CHP1: variants seen among roughly 807,000 people sequenced by gnomAD.
CHP1 encodes calcineurin B homologous protein 1.
Under a neutral mutation model 27.4 loss-of-function variants are expected in CHP1, and 11 were observed. That is an observed-to-expected ratio of 0.40 (90% CI 0.25 to 0.67). The LOEUF (loss-of-function observed/expected upper bound fraction) is 0.67. Among genes scored for constraint, CHP1 ranks in the 30% least tolerant of loss-of-function variants. CHP1 has a pLI of 0.38. For missense variants in CHP1, 169 were observed against 251.3 expected (o/e 0.67, Z 2.22); for synonymous variants, 89 against 87.4 (o/e 1.02, Z -0.10).
chr15:41,253,932 G>C (rs749200175), intron 2 of CHP1, among the ~76,000 whole-genome samples: 2 of 150,522 alleles, frequency 1.3e-5, no homozygotes, highest in East Asian at 1.9e-4. Context: ...CTACAGGCAC[G>C]TGCCACCATG....
intron 5 of CHP1, among the ~76,000 whole-genome samples, chr15:41,271,382 C>T (rs923104951): frequency 9.2e-5 from 14 of 151,890 alleles, no homozygotes; most frequent in Admixed American, 2.6e-4. Flanking sequence ...GAGCCAAGAT[C>T]GTGCCACTGC....
intron 2 of CHP1, among the ~76,000 whole-genome samples, chr15:41,245,070 G>A (rs1475456316): frequency 2.6e-5 from 4 of 152,104 alleles, no homozygotes; most frequent in Non-Finnish European, 5.9e-5. Flanking sequence ...TTAAGCATAC[G>A]TATTTCCCCC....
At chr15:41,246,118 G>A (rs1039886546) in intron 2 of CHP1, among the ~76,000 whole-genome samples, 2 of 152,002 alleles carry the variant, frequency 1.3e-5, no homozygotes, top group African/African-American at 4.8e-5. Flanking sequence ...ATCCCTATTT[G>A]TAATTTTAGC....
chr15:41,269,269 T>C (rs1044644268), intron 4 of CHP1, among the ~76,000 whole-genome samples: 2 of 152,092 alleles, frequency 1.3e-5, no homozygotes, highest in African/African-American at 4.8e-5. Context: ...AAAATACATA[T>C]ATATGAAGTC....
At chr15:41,253,250 T>A (rs1038190680) in intron 2 of CHP1, among the ~76,000 whole-genome samples, 1 of 151,726 alleles carries the variant, frequency 6.6e-6, no homozygotes, top group Non-Finnish European at 1.5e-5. Flanking sequence ...GGATGGATCT[T>A]ATGCTTGTGG....
chr15:41,231,570 C>T, intron 1 of CHP1, 121 bp downstream of exon 1: 1 of 912,646 alleles, frequency 1.1e-6, no homozygotes, highest in Non-Finnish European at 1.7e-6. Context: ...GGGCAGCCTC[C>T]AGGTTTGGGG....
intron 2 of CHP1, among the ~76,000 whole-genome samples, chr15:41,253,314 G>A (rs933891560): frequency 9.9e-5 from 15 of 151,736 alleles, no homozygotes; most frequent in Non-Finnish European, 1.9e-4. Flanking sequence ...ATGTTGATGG[G>A]TAAATTTGAG....
At chr15:41,238,990 T>C (rs912195403) in intron 1 of CHP1, among the ~76,000 whole-genome samples, 28 of 152,162 alleles carry the variant, frequency 1.8e-4, no homozygotes, top group Non-Finnish European at 3.8e-4. Flanking sequence ...CTGGGGAAAA[T>C]ACTTCACTGG....
At chr15:41,279,019 T>A (rs1251422314) in intron 6 of CHP1, 130 bp downstream of exon 6, 18 of 1,138,324 alleles carry the variant, frequency 1.6e-5, no homozygotes, top group Non-Finnish European at 1.2e-6. Context: ...AAGACCAGCC[T>A]GGCTAACATG....
chr15:41,259,822 G>T (rs1249072471), intron 3 of CHP1, among the ~76,000 whole-genome samples: 3 of 152,048 alleles, frequency 2.0e-5, no homozygotes, highest in Non-Finnish European at 2.9e-5. Context: ...GTGTGATCTT[G>T]GCTCACCGCA....
At chr15:41,275,829 C>T (rs1246590839) in intron 5 of CHP1, among the ~76,000 whole-genome samples, 2 of 152,138 alleles carry the variant, frequency 1.3e-5, no homozygotes, top group Admixed American at 6.5e-5. Flanking sequence ...GATTCTCATG[C>T]CTCAGCCTCC....
intron 3 of CHP1, among the ~76,000 whole-genome samples, chr15:41,260,542 G>A (rs2047427735): frequency 6.6e-6 from 1 of 151,674 alleles, no homozygotes; most frequent in Non-Finnish European, 1.5e-5. Context: ...TTACAGGCAT[G>A]CACCACCAGG....
At chr15:41,252,462 C>T (rs570336725) in intron 2 of CHP1, among the ~76,000 whole-genome samples, 6 of 152,244 alleles carry the variant, frequency 3.9e-5, no homozygotes, top group Non-Finnish European at 7.4e-5. Context: ...CCACCACGCC[C>T]GGCCTGGAAA....
intron 1 of CHP1, among the ~76,000 whole-genome samples, chr15:41,239,261 A>G (rs1189303358): frequency 6.6e-6 from 1 of 151,574 alleles, no homozygotes; most frequent in African/African-American, 2.4e-5. Context: ...TTAAAAGTTG[A>G]CATTTGGTTG....
At chr15:41,255,754 G>T (rs750844865) in intron 2 of CHP1, among the ~76,000 whole-genome samples, 7 of 148,078 alleles carry the variant, frequency 4.7e-5, no homozygotes, top group Admixed American at 1.3e-4. Flanking sequence ...GCTCACTCCT[G>T]TAATCCCACC....
At chr15:41,265,355 C>T (rs2047454658) in intron 4 of CHP1, among the ~76,000 whole-genome samples, 1 of 99,542 alleles carries the variant, frequency 1.0e-5, no homozygotes, top group Admixed American at 1.6e-4. Context: ...TAGAGCGAGA[C>T]TCTGTCTCAA....
chr15:41,275,976 C>T (rs1392507355), intron 5 of CHP1, among the ~76,000 whole-genome samples: 4 of 152,172 alleles, frequency 2.6e-5, no homozygotes, highest in African/African-American at 9.7e-5. Flanking sequence ...CGCAGTGGCT[C>T]ACGCCTGTAA....
chr15:41,246,624 CTTTTTTTT>C (rs561426550), intron 2 of CHP1, among the ~76,000 whole-genome samples: 8 of 57,286 alleles, frequency 1.4e-4, no homozygotes, highest in East Asian at 9.8e-4. Context: ...GGCCAAAAAG[CTTTTTTTT>C]TTTTTTTTTT....
rs2047545478 is a variant in CHP1, at chr15:41,281,442, G to A, written c.*2053G>A. ...TGAATCAGGCTATTGCTATCCTAAT[G>A]TATGTCTCTATGAGTGTATTTAGCC... On this transcript the variant is annotated 3_prime_UTR_variant, in exon 7 of 7. Coordinates refer to ENST00000334660, the MANE Select transcript of CHP1 (RefSeq NM_007236.5). 1 of 152,626 alleles carries A rather than the reference G, an allele frequency of 6.6e-6. No individual in the cohort carries two copies. Among genetic ancestry groups the A allele is most frequent in the East Asian group, 1.9e-4 (1 of 5,194 alleles). 9.5% of individuals were successfully genotyped at this position (152,626 alleles called of 1,614,324 possible).
Sources: allele counts gnomAD v4.1 joint callset (sites outside exome capture counted in the v4.1 genomes callset), GRCh38; gene constraint gnomAD v4.1.1; transcripts MANE v1.5; gene names NCBI Gene and HGNC (gene_info 2026-07-23, HGNC 2026-07-21).